The following LSM4 variants were observed in gnomAD, a reference collection of about 807,000 sequenced individuals.
LSM4 encodes the protein LSM4 homolog, U6 small nuclear RNA and mRNA degradation associated, also known as U6 snRNA-associated Sm-like protein LSm4.
Under a neutral mutation model 22.3 loss-of-function variants are expected in LSM4, and 15 were observed. The observed-to-expected ratio is 0.67, with a 90% CI of 0.45 to 1.03. The LOEUF (loss-of-function observed/expected upper bound fraction) is 1.03, where lower values mean the gene tolerates loss of function less well. LSM4 is among the 50% of genes least tolerant of loss of function. The probability of loss-of-function intolerance (pLI) is 0.00; values close to 1 mark genes in which losing one functional copy is unlikely to be tolerated. For missense variants in LSM4, 127 were observed against 198.0 expected, an observed-to-expected ratio of 0.64 and a Z score of 2.15; for synonymous variants, 90 against 79.8, an observed-to-expected ratio of 1.13 and a Z score of -0.68.
rs961564358 is a variant in LSM4 at position 18,322,917 on chromosome 19, G to T, written c.3+101C>A. ...GCGGGACTCGAGGCTCGGACCTTAC[G>T]TTCGCCCCGCGCCAACCAAGCCCAC... On this transcript the variant is annotated intron_variant, in intron 1 of 4. Transcript: ENST00000593829. 11 of 1,517,394 alleles carry T rather than the reference G, an allele frequency of 7.2e-6. No individual in the cohort carries two copies. In the African/African-American group the frequency reaches 9.8e-5, roughly 13 times the overall value. The allele number at this position is 1,517,394 out of a possible 1,614,324, so 94.0% of individuals were successfully genotyped here.
intron 1 of LSM4, among the ~76,000 whole-genome samples, chr19:18,322,785 G>A (rs1289956797): frequency 6.6e-6 from 1 of 151,964 alleles, no homozygotes; most frequent in African/African-American, 2.4e-5. Context: ...ACTAAGGCGA[G>A]GCCACTGTAC....
chr19:18,320,959 C>G (rs940412986), intron 1 of LSM4, among the ~76,000 whole-genome samples: 2 of 152,162 alleles, frequency 1.3e-5, no homozygotes, highest in Non-Finnish European at 2.9e-5. Flanking sequence ...TCTAGATCCA[C>G]GAGGACCTAA....
At chr19:18,320,568 G>A (rs936785241) in intron 1 of LSM4, among the ~76,000 whole-genome samples, 1 of 152,172 alleles carries the variant, frequency 6.6e-6, no homozygotes, top group African/African-American at 2.4e-5. Flanking sequence ...AGAGGCCGAG[G>A]TGGGTGGATC....
At chr19:18,317,943 C>T (rs1171270709) in intron 1 of LSM4, among the ~76,000 whole-genome samples, 1 of 152,126 alleles carries the variant, frequency 6.6e-6, no homozygotes, top group African/African-American at 2.4e-5. Flanking sequence ...AAACTCAACC[C>T]GTACGCTGGG....
chr19:18,319,229 G>A (rs1396365098), intron 1 of LSM4, among the ~76,000 whole-genome samples: 6 of 148,612 alleles, frequency 4.0e-5, no homozygotes, highest in African/African-American at 7.5e-5. Flanking sequence ...GCAACAGAGC[G>A]AGACTGTTTC....
chr19:18,307,979 C>T (rs1379557081), intron 4 of LSM4, among the ~76,000 whole-genome samples: 1 of 152,006 alleles, frequency 6.6e-6, no homozygotes, highest in South Asian at 2.1e-4. Flanking sequence ...CCACAACCAC[C>T]CACAGCCCCT....
chr19:18,312,011 C>G (rs897803416), intron 3 of LSM4, among the ~76,000 whole-genome samples: 1 of 152,174 alleles, frequency 6.6e-6, no homozygotes, highest in African/African-American at 2.4e-5. Flanking sequence ...GCCTTCAGCA[C>G]CATCCCTGGC....
intron 1 of LSM4, 23 bp from the exon 2 acceptor site, chr19:18,316,088 T>C (rs766195945): frequency 1.2e-6 from 2 of 1,612,930 alleles, no homozygotes; most frequent in East Asian, 2.2e-5. Context: ...TAAAGCCACA[T>C]GATTTGTCTG....
chr19:18,311,659 A>T (rs1258235175), intron 3 of LSM4, among the ~76,000 whole-genome samples: 1 of 152,042 alleles, frequency 6.6e-6, no homozygotes, highest in Non-Finnish European at 1.5e-5. Flanking sequence ...GACTGGACCC[A>T]CCCAGACGCC....
At chr19:18,315,605 G>T (rs1200387459) in intron 2 of LSM4, among the ~76,000 whole-genome samples, 1 of 152,070 alleles carries the variant, frequency 6.6e-6, no homozygotes, top group Non-Finnish European at 1.5e-5. Context: ...GCAGTGGTAT[G>T]ATCATAGCTC....
rs189913888 is a variant in LSM4, at chr19:18,313,467, A to G, written c.46-765T>C. Among the ~76,000 whole-genome samples, 336 of 152,326 alleles carry G rather than the reference A, an allele frequency of 2.2e-3. 2 individuals carry two copies. The highest frequency in any genetic ancestry group is 7.8e-3 in the African/African-American group (325 of 41,576). On this transcript the variant is annotated intron_variant, in intron 2 of 4. Transcript: ENST00000593829. ...ATTTTGGTATGTTTTGAGAACAAAGATAAGTAGCAGATCATTCTGAGGATA... is the reference window on the plus strand; with the variant it reads ...ATTTTGGTATGTTTTGAGAACAAAGGTAAGTAGCAGATCATTCTGAGGATA...
chr19:18,316,795 C>A (rs980693927), intron 1 of LSM4, among the ~76,000 whole-genome samples: 1 of 152,138 alleles, frequency 6.6e-6, no homozygotes, highest in African/African-American at 2.4e-5. Context: ...CAGAGCTGGC[C>A]TGGTCCTGTC....
chr19:18,311,457 C>A (rs1970296667), intron 3 of LSM4, among the ~76,000 whole-genome samples: 1 of 152,206 alleles, frequency 6.6e-6, no homozygotes, highest in Non-Finnish European at 1.5e-5. Context: ...AGAGGCCAAA[C>A]CAACCCCTGG....
intron 1 of LSM4, among the ~76,000 whole-genome samples, chr19:18,317,969 C>T (rs769866324): frequency 1.3e-5 from 2 of 152,182 alleles, no homozygotes; most frequent in African/African-American, 2.4e-5. Flanking sequence ...CCTCGGGTAA[C>T]GCAGAGCTGT....
At chr19:18,316,171 G>A in intron 1 of LSM4, 106 bp from the exon 2 acceptor site, 1 of 985,820 alleles carries the variant, frequency 1.0e-6, no homozygotes, top group Non-Finnish European at 1.5e-6. Context: ...CGGTTGAGGG[G>A]GCACAGGAGT....
chr19:18,319,816 C>T (rs1029967643), intron 1 of LSM4, among the ~76,000 whole-genome samples: 5 of 152,188 alleles, frequency 3.3e-5, no homozygotes, highest in African/African-American at 1.2e-4. Context: ...TTGTTTCCAT[C>T]ATAGGATGCA....
chr19:18,320,669 C>T (rs982644864), intron 1 of LSM4, among the ~76,000 whole-genome samples: 2 of 151,938 alleles, frequency 1.3e-5, no homozygotes, highest in African/African-American at 4.8e-5. Flanking sequence ...TGTGGTGGTG[C>T]GTGCCTGTAA....
intron 4 of LSM4, 62 bp from the exon 5 acceptor site, chr19:18,307,617 C>A (rs2232973): frequency 4.8e-6 from 6 of 1,253,032 alleles, no homozygotes; most frequent in South Asian, 1.6e-5. Flanking sequence ...GACAGGATCC[C>A]GGCGCCCTGA....
At chr19:18,317,856 TG>T (rs758650381) in intron 1 of LSM4, among the ~76,000 whole-genome samples, 14 of 152,222 alleles carry the variant, frequency 9.2e-5, no homozygotes, top group Non-Finnish European at 2.1e-4. Flanking sequence ...CCATCATTAC[TG>T]AATTTCTTTA....
Sources: gnomAD v4.1 joint callset for allele counts (sites outside exome capture counted in the v4.1 genomes callset) on GRCh38, gnomAD v4.1.1 for gene constraint, MANE v1.5 for transcripts, NCBI Gene and HGNC (gene_info 2026-07-23, HGNC 2026-07-21) for gene names.